Variants in ATP2C1 observed in about 807,000 individuals in gnomAD.
ATP2C1 encodes the protein calcium-transporting ATPase type 2C member 1.
Under a neutral mutation model 120.5 loss-of-function variants are expected in ATP2C1, and 31 were observed. The ratio of observed to expected loss-of-function variants is 0.26; its 90% CI spans 0.19 to 0.35. ATP2C1 has a LOEUF of 0.35. ATP2C1 is among the 10% of genes least tolerant of loss of function. The probability of loss-of-function intolerance (pLI) is 1.00; values close to 1 mark genes in which losing one functional copy is unlikely to be tolerated. For missense variants in ATP2C1, 731 were observed against 1,107.5 expected (o/e 0.66, Z 4.83); for synonymous variants, 351 against 358.7 (o/e 0.98, Z 0.24).
intron 1 of ATP2C1, among the ~76,000 whole-genome samples, chr3:130,865,730 T>C (rs2068154290): frequency 6.6e-6 from 1 of 152,210 alleles, no homozygotes; most frequent in Non-Finnish European, 1.5e-5. Flanking sequence ...ATGTAAGAAG[T>C]GCCTTTCACT....
Position 130,998,276 on chromosome 3 carries a change from G to A in ATP2C1, c.2392-18G>A. 4 of 1,543,340 alleles carry A rather than the reference G, an allele frequency of 2.6e-6. No individual in the cohort carries two copies. Among genetic ancestry groups the A allele is most frequent in the Non-Finnish European group, 3.6e-6 (4 of 1,115,660 alleles). ...AATTCAGCCACTGAAAAGTAATTTT[G>A]TTATTGCCTCTTGACAGCTACGAGA... is the stretch of plus-strand genomic sequence containing the variant. On this transcript the variant is annotated intron_variant, in intron 25 of 27. Coordinates refer to ENST00000510168, the MANE Select transcript of ATP2C1 (RefSeq NM_001378687.1).
At chr3:130,869,808 A>G (rs559857716) in intron 1 of ATP2C1, among the ~76,000 whole-genome samples, 53 of 152,336 alleles carry the variant, frequency 3.5e-4, no homozygotes, top group Non-Finnish European at 6.0e-4. Context: ...CTTGAGGTTT[A>G]AGGAAAGAAG....
intron 24 of ATP2C1, 42 bp from the exon 25 acceptor site, chr3:130,997,564 C>T: frequency 6.3e-7 from 1 of 1,596,858 alleles, no homozygotes. Context: ...AAATCCAGAC[C>T]TTAAAACTTG....
At position 130,894,698 on chromosome 3, in the gene ATP2C1, CTA is replaced by C; in HGVS notation, c.-70_-69del. ...CTTCCTTGTCCTCCTCCTCTCCTCT[CTA>C]TTCCCAGTGTGGCCGTGGCTGACAC... On this transcript the variant is annotated 5_prime_UTR_variant, in exon 2 of 28. The change abolishes the stop of an existing upstream ORF in the 5' untranslated region. Coordinates refer to ENST00000510168, the MANE Select transcript of ATP2C1 (RefSeq NM_001378687.1). The surrounding 1 kb of genome is among the most constrained non-coding windows in gnomAD (Gnocchi z 4.5). 4 of 1,614,084 alleles carry C rather than the reference CTA, an allele frequency of 2.5e-6. No homozygotes were observed. Among genetic ancestry groups the C allele is most frequent in the Non-Finnish European group, 1.7e-6 (2 of 1,179,994 alleles).
upstream of ATP2C1, among the ~76,000 whole-genome samples, chr3:130,893,684 G>C (rs1434302003): frequency 2.0e-5 from 3 of 152,228 alleles, no homozygotes; most frequent in Non-Finnish European, 4.4e-5. Flanking sequence ...CAGCGGCCAT[G>C]ACTCTCAGCT....
intron 26 of ATP2C1, among the ~76,000 whole-genome samples, chr3:131,008,413 A>G (rs2063196358): frequency 6.7e-6 from 1 of 149,798 alleles, no homozygotes; most frequent in Admixed American, 6.7e-5. Context: ...GCAACAGAAC[A>G]AGACTGTCTC....
chr3:130,932,200 T>C, intron 4 of ATP2C1, 62 bp downstream of exon 4: 1 of 1,031,138 alleles, frequency 9.7e-7, no homozygotes, highest in Non-Finnish European at 1.5e-6. Flanking sequence ...TTCTGTTATG[T>C]AGTTGCTTAC....
At position 131,002,599 on chromosome 3, in the gene ATP2C1, A is replaced by G. The variant is rs1337732593; in HGVS notation, c.*1249A>G. 2.0e-6 allele frequency: 2 copies of G among 985,308 alleles called. No homozygotes were observed. The highest frequency in any genetic ancestry group is 6.2e-5 in the Admixed American group (1 of 16,258). 61.0% of individuals were successfully genotyped at this position (985,308 alleles called of 1,614,324 possible). A position where few individuals can be genotyped will look rare whatever the true frequency, so the allele number is the denominator to read the frequency against. On this transcript the variant is annotated 3_prime_UTR_variant, in exon 28 of 28. Coordinates refer to ENST00000510168, the MANE Select transcript of ATP2C1 (RefSeq NM_001378687.1). ...GAGGTATAGGTCATTTGTTTTGAGT[A>G]TGTGGGCCAGAAATTTAAAATTAGA...
chr3:130,881,035 A>G (rs929670467), intron 1 of ATP2C1, among the ~76,000 whole-genome samples: 7 of 152,212 alleles, frequency 4.6e-5, no homozygotes, highest in East Asian at 1.9e-4. Flanking sequence ...AAAATGTACT[A>G]TTTTGGAGGT....
At chr3:130,960,392 G>A (rs1309612187) in intron 12 of ATP2C1, among the ~76,000 whole-genome samples, 1 of 152,142 alleles carries the variant, frequency 6.6e-6, no homozygotes, top group South Asian at 2.1e-4. Context: ...AAAATATCTC[G>A]TGTTCTATGA....
chr3:130,939,710 T>A lies in ATP2C1; in HGVS notation c.361-920T>A, dbSNP rs527671459. Among the ~76,000 whole-genome samples, 9 of 152,310 alleles carry A rather than the reference T, an allele frequency of 5.9e-5. No individual in the cohort carries two copies. The East Asian group carries it at 1.7e-3, about 29-fold the overall frequency. ...GTCTTATGATTTTTACATTTGTAGA[T>A]TTTCCTTATATTTGTCACTCTAAGA... On this transcript the variant is annotated intron_variant, in intron 6 of 27. Coordinates refer to ENST00000510168, the MANE Select transcript of ATP2C1 (RefSeq NM_001378687.1).
chr3:130,864,607 C>T (rs1260200952), intron 1 of ATP2C1, among the ~76,000 whole-genome samples: 1 of 152,180 alleles, frequency 6.6e-6, no homozygotes, highest in East Asian at 1.9e-4. Flanking sequence ...GTGGGCTGGG[C>T]CCAGGGTCCC....
chr3:130,871,747 G>T (rs780624228), intron 1 of ATP2C1, among the ~76,000 whole-genome samples: 3 of 152,116 alleles, frequency 2.0e-5, no homozygotes, highest in Non-Finnish European at 2.9e-5. Context: ...TTAGGCCAGG[G>T]GCGGTGGCTC....
intron 2 of ATP2C1, among the ~76,000 whole-genome samples, chr3:130,904,120 C>A (rs1032947799): frequency 6.6e-6 from 1 of 151,978 alleles, no homozygotes; most frequent in Non-Finnish European, 1.5e-5. Flanking sequence ...TTTGAAATAA[C>A]TTTAGACTTA....
rs193085936 is a variant in ATP2C1 at position 130,851,931 on chromosome 3, T to G, written c.108+1003T>G. 4.6e-3 allele frequency among the ~76,000 whole-genome samples: 707 copies of G among 152,328 alleles called. 9 individuals are homozygous for G. Among genetic ancestry groups the G allele is most frequent in the Non-Finnish European group, 3.8e-3 (261 of 68,024 alleles). On this transcript the variant is annotated intron_variant, in intron 1 of 26. Coordinates refer to the ATP2C1 transcript ENST00000504381. ...CACTTCCAGGAAATGCAAGATAGGTTTAGCAGACAGAAAATCCTCTCATGA... is the reference window on the plus strand; with the variant it reads ...CACTTCCAGGAAATGCAAGATAGGTGTAGCAGACAGAAAATCCTCTCATGA...
chr3:130,999,232 T>C (rs964061355), intron 26 of ATP2C1, among the ~76,000 whole-genome samples: 1 of 152,188 alleles, frequency 6.6e-6, no homozygotes, highest in Non-Finnish European at 1.5e-5. Flanking sequence ...TTTCTTGATG[T>C]TTGGGATGTT....
chr3:130,958,747 T>C (rs1490502235), intron 11 of ATP2C1, among the ~76,000 whole-genome samples: 4 of 152,172 alleles, frequency 2.6e-5, no homozygotes, highest in African/African-American at 9.7e-5. Context: ...TAGATGTTAA[T>C]GCAGTTGTAG....
intron 1 of ATP2C1, among the ~76,000 whole-genome samples, chr3:130,882,964 A>G (rs1388417887): frequency 1.3e-5 from 2 of 152,196 alleles, no homozygotes; most frequent in African/African-American, 4.8e-5. Flanking sequence ...TTCAGCAGTG[A>G]AGCCATCAGG....
intron 2 of ATP2C1, among the ~76,000 whole-genome samples, chr3:130,907,805 T>C: frequency 6.6e-6 from 1 of 151,912 alleles, no homozygotes; most frequent in African/African-American, 2.4e-5. Context: ...AATCAGTTTG[T>C]CCATTTCTGT....
Sources: allele counts gnomAD v4.1 joint callset (sites outside exome capture counted in the v4.1 genomes callset), GRCh38; gene constraint gnomAD v4.1.1; non-coding constraint Gnocchi (gnomAD v3.1); transcripts MANE v1.5; gene names NCBI Gene and HGNC (gene_info 2026-07-23, HGNC 2026-07-21).